Variants in TAFA1 observed in about 807,000 individuals in gnomAD.
TAFA1 encodes the protein TAFA chemokine like family member 1.
Under a neutral mutation model 18.5 loss-of-function variants are expected in TAFA1, and 4 were observed. The ratio of observed to expected loss-of-function variants is 0.22; its 90% confidence interval spans 0.11 to 0.49. The LOEUF (loss-of-function observed/expected upper bound fraction) is 0.49. Among genes scored for constraint, TAFA1 ranks in the 20% least tolerant of loss-of-function variants. The pLI, the probability that TAFA1 is intolerant of heterozygous loss-of-function variation, is 0.98. For synonymous variants in TAFA1, 56 were observed against 55.2 expected (o/e 1.01, Z -0.06); for missense variants, 147 against 169.0 (o/e 0.87, Z 0.72).
chr3:68,233,284 C>A (rs994711501), intron 2 of TAFA1, among the ~76,000 whole-genome samples: 6 of 152,006 alleles, frequency 3.9e-5, no homozygotes, highest in African/African-American at 1.4e-4. Context: ...TTGCAAATAT[C>A]TTATCCCATT....
chr3:68,496,630 C>A (rs1025621639), intron 3 of TAFA1, among the ~76,000 whole-genome samples: 1 of 152,072 alleles, frequency 6.6e-6, no homozygotes, highest in Admixed American at 6.6e-5. Context: ...TTGTTTTGAG[C>A]CACCTAATTT....
At chr3:68,295,808 C>T (rs2068197179) in intron 2 of TAFA1, among the ~76,000 whole-genome samples, 1 of 152,106 alleles carries the variant, frequency 6.6e-6, no homozygotes, top group South Asian at 2.1e-4. Flanking sequence ...CAGGGTCTTG[C>T]TATGTTGCCC....
At chr3:68,335,890 A>G (rs1468003570) in intron 2 of TAFA1, among the ~76,000 whole-genome samples, 1 of 152,166 alleles carries the variant, frequency 6.6e-6, no homozygotes, top group African/African-American at 2.4e-5. Context: ...TTGCTTTGTC[A>G]AGTTGTCATT....
upstream of TAFA1, among the ~76,000 whole-genome samples, chr3:67,999,553 T>C (rs1704261779): frequency 6.6e-6 from 1 of 152,022 alleles, no homozygotes; most frequent in African/African-American, 2.4e-5. Context: ...ATCTGTAGAC[T>C]TTTTTTATTC....
intron 2 of TAFA1, among the ~76,000 whole-genome samples, chr3:68,197,459 T>C (rs2066423821): frequency 6.6e-6 from 1 of 151,552 alleles, no homozygotes; most frequent in Non-Finnish European, 1.5e-5. Flanking sequence ...TCCTATGGGG[T>C]TCGGGAAATG....
At chr3:68,311,291 C>T (rs2068511042) in intron 2 of TAFA1, among the ~76,000 whole-genome samples, 1 of 94,026 alleles carries the variant, frequency 1.1e-5, no homozygotes, top group South Asian at 3.4e-4. Flanking sequence ...CATTCTGCCC[C>T]TGGCCTCTCT....
In TAFA1 at chr3:68,120,167, CTTTCTCTTTCTTTCTTTCTTTCTTTCTT is replaced by C. The variant is rs1559527463; in HGVS notation, c.118+113425_118+113452del. ...TCATTTTCTTTCTTTCTTTCTCTTT[CTTTCTCTTTCTTTCTTTCTTTCTTTCTT>C]TCTTTCTTTCTTTCTTTCTTTCTTT... On this transcript the variant is annotated intron_variant, in intron 2 of 4. Coordinates refer to ENST00000478136, the MANE Select transcript of TAFA1 (RefSeq NM_213609.4). Among the ~76,000 whole-genome samples, 76 of 147,578 alleles carry C rather than the reference CTTTCTCTTTCTTTCTTTCTTTCTTTCTT, an allele frequency of 5.1e-4. 1 individual carries two copies. Among genetic ancestry groups the C allele is most frequent in the African/African-American group, 1.9e-3 (74 of 39,180 alleles).
intron 3 of TAFA1, among the ~76,000 whole-genome samples, chr3:68,454,477 T>G (rs977512130): frequency 3.3e-5 from 5 of 152,166 alleles, no homozygotes; most frequent in African/African-American, 1.2e-4. Flanking sequence ...CTCCACTGTA[T>G]CCTGTTTGAT....
intron 2 of TAFA1, among the ~76,000 whole-genome samples, chr3:68,122,808 A>G (rs538294177): frequency 8.6e-5 from 13 of 151,414 alleles, no homozygotes; most frequent in South Asian, 8.4e-4. Context: ...GTATATATAT[A>G]TGTGTGTGTG....
chr3:68,128,877 A>G (rs185580646), intron 2 of TAFA1, among the ~76,000 whole-genome samples: 101 of 152,356 alleles, frequency 6.6e-4, no homozygotes, highest in African/African-American at 2.2e-3. Context: ...TTCTAGAACA[A>G]GGTAGTGCTC....
chr3:68,345,314 A>G (rs1275722958), intron 2 of TAFA1, among the ~76,000 whole-genome samples: 2 of 152,182 alleles, frequency 1.3e-5, no homozygotes, highest in African/African-American at 2.4e-5. Context: ...AGAGGCCTAG[A>G]AGAAGAAATC....
Position 68,417,261 on chromosome 3 carries a change from G to A in TAFA1, c.119-19G>A, listed in dbSNP as rs1355631845. The A allele has an allele frequency of 1.2e-6, 2 of 1,611,600 alleles. No individual in the cohort carries two copies. The highest frequency in any genetic ancestry group is 1.7e-6 in the Non-Finnish European group (2 of 1,178,506). On this transcript the variant is annotated intron_variant, in intron 2 of 4. Coordinates refer to ENST00000478136, the MANE Select transcript of TAFA1 (RefSeq NM_213609.4). Reference sequence around the variant, plus strand: ...TGAGTTATTTCTAATCAGTGTCCCTGTTCTTTCTCTCTTGCCAGAAGGAGG... The same window carrying A: ...TGAGTTATTTCTAATCAGTGTCCCTATTCTTTCTCTCTTGCCAGAAGGAGG...
chr3:68,369,393 T>TC, intron 2 of TAFA1, among the ~76,000 whole-genome samples: 1 of 152,202 alleles, frequency 6.6e-6, no homozygotes, highest in South Asian at 2.1e-4. Context: ...TGCTGAAGTT[T>TC]AAAAAATTTA....
intron 2 of TAFA1, among the ~76,000 whole-genome samples, chr3:68,357,290 G>T (rs994084045): frequency 6.6e-6 from 1 of 151,748 alleles, no homozygotes; most frequent in African/African-American, 2.4e-5. Flanking sequence ...TCTTCATGAA[G>T]AAAAGCAAGT....
In TAFA1 at chr3:68,544,511, A is replaced by C. The variant is rs921883663; in HGVS notation, c.*8A>C. On this transcript the variant is annotated 3_prime_UTR_variant, in exon 5 of 5. Transcript: ENST00000478136. Reference sequence around the variant, plus strand: ...ATTCACCCAAGAACCTAACAGAAGCATTTGTGGTAGTAAAGGAAAACCAAC... The same window carrying C: ...ATTCACCCAAGAACCTAACAGAAGCCTTTGTGGTAGTAAAGGAAAACCAAC... 12 of 1,612,490 alleles carry C rather than the reference A, an allele frequency of 7.4e-6. No homozygotes were observed. The highest frequency in any genetic ancestry group is 1.0e-5 in the Non-Finnish European group (12 of 1,178,910).
intron 4 of TAFA1, among the ~76,000 whole-genome samples, chr3:68,539,688 TGGGG>T (rs60193141): frequency 8.0e-5 from 1 of 12,452 alleles, no homozygotes. Flanking sequence ...TGGGGGGGCA[TGGGG>T]TGGGTGGGTG....
At chr3:68,084,758 A>G (rs1193432584) in intron 2 of TAFA1, among the ~76,000 whole-genome samples, 1 of 151,428 alleles carries the variant, frequency 6.6e-6, no homozygotes, top group Non-Finnish European at 1.5e-5. Context: ...AGATAGCGCC[A>G]TTGCACTCCA....
intron 3 of TAFA1, among the ~76,000 whole-genome samples, chr3:68,491,674 AAAACTT>A (rs75011763): frequency 0.12 from 18,170 of 152,002 alleles, 1,396 homozygotes; most frequent in Non-Finnish European, 0.17. Context: ...CATGTACCCT[AAAACTT>A]AAAGTATAAT....
chr3:68,084,857 G>C (rs2064952213), intron 2 of TAFA1, among the ~76,000 whole-genome samples: 1 of 151,528 alleles, frequency 6.6e-6, no homozygotes. Context: ...ACTTCAGTGG[G>C]AATCGGCTGC....
Sources: allele counts gnomAD v4.1 joint callset (sites outside exome capture counted in the v4.1 genomes callset), GRCh38; gene constraint gnomAD v4.1.1; transcripts MANE v1.5; gene names NCBI Gene and HGNC (gene_info 2026-07-23, HGNC 2026-07-21).